The following KAT5 variants were observed in gnomAD, a reference collection of about 807,000 sequenced individuals.
KAT5 encodes lysine acetyltransferase 5, also known as histone acetyltransferase KAT5.
In KAT5, 31 loss-of-function variants were observed where a neutral mutation model predicts 68.1. The observed-to-expected ratio is 0.46, with a 90% confidence interval of 0.34 to 0.61. The LOEUF (loss-of-function observed/expected upper bound fraction) is 0.61, where lower values mean the gene tolerates loss of function less well. Among genes scored for constraint, KAT5 ranks in the 20% least tolerant of loss-of-function variants. The probability of loss-of-function intolerance (pLI) is 0.01; values close to 1 mark genes in which losing one functional copy is unlikely to be tolerated. For missense variants in KAT5, 451 were observed against 725.5 expected (o/e 0.62, Z 4.35); for synonymous variants, 365 against 292.6 (o/e 1.25, Z -2.52).
At chr11:65,719,004 C>G in intron 12 of KAT5, 43 bp from the exon 13 acceptor site, 1 of 1,613,994 alleles carries the variant, frequency 6.2e-7, no homozygotes, top group Non-Finnish European at 8.5e-7. Context: ...GAGTGCAGTC[C>G]TCTGTGGGCT....
In KAT5 at chr11:65,713,793, C is replaced by T. The variant is rs1453860824; in HGVS notation, c.635C>T (p.Ala212Val). 6.2e-7 allele frequency: 1 copy of T among 1,610,178 alleles called. No individual in the cohort carries two copies. Among genetic ancestry groups the T allele is most frequent in the Non-Finnish European group, 8.5e-7 (1 of 1,178,222 alleles). The part of the protein sequence containing the change: ...VFPQNGAARR[A>V]VAAQPGRKRK... ...CGGCAGAATGGAGCCGCCCGTAGGG[C>T]AGTGGCAGCCCAGCCAGGACGGAAG... The change falls in exon 6 of 13, where the codon GCA (alanine) becomes GTA (valine). Residue 212 changes from alanine to valine, a missense_variant. Ala to Val is a moderately conservative substitution (Grantham distance 64, BLOSUM62 0). This residue lies in a region of KAT5 where 135 missense variants were observed against 173.4 expected (regional missense o/e 0.78). Coordinates refer to ENST00000341318, the MANE Select transcript of KAT5 (RefSeq NM_182710.3).
chr11:65,717,111 A>C, intron 10 of KAT5, 129 bp downstream of exon 10: 1 of 722,102 alleles, frequency 1.4e-6, no homozygotes, highest in Non-Finnish European at 2.5e-6. Flanking sequence ...AGCCAGAAAT[A>C]ACAGTGGCAC....
intron 11 of KAT5, 58 bp from the exon 12 acceptor site, chr11:65,718,815 C>T: frequency 1.2e-6 from 2 of 1,613,598 alleles, no homozygotes. Context: ...CTTTCTCTCT[C>T]AGGGCTCCTG....
At position 65,714,695 on chromosome 11, in the gene KAT5, G is replaced by T. The variant is rs1165739688; in HGVS notation, c.891G>T (p.Glu297Asp). The change falls in exon 7 of 13, where the codon GAG (glutamate) becomes GAT (aspartate). Residue 297 changes from glutamate to aspartate, a missense_variant. By Grantham distance (45) the Glu-to-Asp change is conservative. Coordinates refer to ENST00000341318, the MANE Select transcript of KAT5 (RefSeq NM_182710.3). ...LTTLPVLYLC[E>D]FCLKYGRSLK... ...CATTGCCTGTCCTCTACCTGTGCGA[G>T]TTCTGCCTCAAGTACGGCCGTAGTC... 2 of 1,614,236 alleles carry T rather than the reference G, an allele frequency of 1.2e-6. No homozygotes were observed. The highest frequency in any genetic ancestry group is 1.3e-5 in the African/African-American group (1 of 75,054).
intron 8 of KAT5, 29 bp from the exon 9 acceptor site, chr11:65,716,638 A>G: frequency 1.2e-6 from 2 of 1,608,282 alleles, no homozygotes; most frequent in Non-Finnish European, 1.7e-6. Flanking sequence ...CGGGATACCC[A>G]GAGTGGTGAC....
Position 65,716,940 on chromosome 11 carries a change from C to G in KAT5, c.1222C>G (p.Pro408Ala), listed in dbSNP as rs1263476080. ...TGTGGCCTGCATCCTAACCCTGCCT[C>G]CCTACCAGCGCCGGGGCTACGGCAA... is the stretch of plus-strand genomic sequence containing the variant. The part of the protein sequence containing the change: ...YNVACILTLP[P>A]YQRRGYGKLL... Residue 408 changes from proline (P) to alanine (A), a missense_variant, in exon 10 of 13, where the codon CCC becomes GCC. By Grantham distance (27) the Pro-to-Ala change is conservative. Coordinates refer to ENST00000341318, the MANE Select transcript of KAT5 (RefSeq NM_182710.3). The G allele has an allele frequency of 6.2e-7, 1 of 1,614,216 alleles. No individual in the cohort carries two copies. Among genetic ancestry groups the G allele is most frequent in the Non-Finnish European group, 8.5e-7 (1 of 1,180,030 alleles).
At chr11:65,714,469 T>A (rs1205561530) in intron 6 of KAT5, 26 bp from the exon 7 acceptor site, 10 of 1,609,894 alleles carry the variant, frequency 6.2e-6, no homozygotes, top group Non-Finnish European at 8.5e-6. Context: ...TCTTACAACC[T>A]GGTATTTTCC....
At position 65,713,389 on chromosome 11, in the gene KAT5, G is replaced by A. The variant is rs999894580; in HGVS notation, c.426G>A (p.Pro142=). 2.5e-6 allele frequency: 4 copies of A among 1,613,890 alleles called. No homozygotes were observed. Among genetic ancestry groups the A allele is most frequent in the East Asian group, 2.2e-5 (1 of 44,862 alleles). Residue 142 remains proline (P), a synonymous_variant, in exon 4 of 13, where the codon CCG becomes CCA. Transcript: ENST00000341318. Reference sequence around the variant, plus strand: ...CCAGCGGGAAGACCTTGCCAATCCCGGTCCAGATCACACTCCGCTTCAACC... The same window carrying A: ...CCAGCGGGAAGACCTTGCCAATCCCAGTCCAGATCACACTCCGCTTCAACC... ...AQASGKTLPI[P]VQITLRFNLP... is the part of the protein sequence containing the mutation.
chr11:65,719,240 C>G lies in KAT5; in HGVS notation c.*59C>G. 6.3e-7 allele frequency: 1 copy of G among 1,580,136 alleles called. No homozygotes were observed. Among genetic ancestry groups the G allele is most frequent in the Non-Finnish European group, 8.6e-7 (1 of 1,160,148 alleles). On this transcript the variant is annotated 3_prime_UTR_variant, in exon 13 of 13. Transcript: ENST00000341318. ...GCAGGACTGGGGCTGATAGCCCACCCCGCCCCCACTGCAGCTCCCACAAAG... is the reference window on the plus strand; with the variant it reads ...GCAGGACTGGGGCTGATAGCCCACCGCGCCCCCACTGCAGCTCCCACAAAG...
intron 8 of KAT5, chr11:65,716,370 G>C (rs1302029069): frequency 7.8e-6 from 3 of 382,524 alleles, no homozygotes; most frequent in African/African-American, 4.0e-5. Context: ...AAAGGCAGTG[G>C]TCTCTCCTGG....
At chr11:65,717,614 C>G (rs1194759101) in intron 10 of KAT5, 2 of 156,760 alleles carry the variant, frequency 1.3e-5, no homozygotes, top group Middle Eastern at 3.2e-3. Context: ...ACCTGAGAAA[C>G]AAGGAGGAAG....
intron 3 of KAT5, 62 bp downstream of exon 3, chr11:65,713,120 TTA>T (rs1419732662): frequency 6.3e-7 from 1 of 1,599,298 alleles, no homozygotes; most frequent in Non-Finnish European, 8.5e-7. Flanking sequence ...TCTGTTGGCA[TTA>T]GGAGCTCCTG....
chr11:65,712,754 C>T lies in KAT5; in HGVS notation c.179-12C>T, dbSNP rs4645913. On this transcript the variant is annotated splice_polypyrimidine_tract_variant and intron_variant, in intron 1 of 12. Transcript: ENST00000341318. Reference sequence around the variant, plus strand: ...GGCCTGTCTAAGGCCCCTGTCTATGCTATTCTCATAGCCCTGGCCGAGATC... The same window carrying T: ...GGCCTGTCTAAGGCCCCTGTCTATGTTATTCTCATAGCCCTGGCCGAGATC... 126 of 1,613,788 alleles carry T rather than the reference C, an allele frequency of 7.8e-5. 1 individual carries two copies. The African/African-American group carries it at 9.4e-4, about 12-fold the overall frequency.
chr11:65,717,263 A>G (rs1258128305), intron 10 of KAT5: 2 of 538,702 alleles, frequency 3.7e-6, no homozygotes, highest in South Asian at 2.1e-5. Flanking sequence ...GCCTGGAGCC[A>G]TGGGCAGAAG....
In KAT5 at chr11:65,712,408, C is replaced by T. The variant is rs765520391; in HGVS notation, c.141C>T (p.Pro47=). Residue 47 remains proline, a synonymous_variant, in exon 1 of 13, where the codon CCC becomes CCT. Transcript: ENST00000341318. ...AGATAATCGAGGGCTGCCGCCTACC[C>T]GTGCTGCGGCGGAACCAGGACAACG... ...QGEIIEGCRL[P]VLRRNQDNED... 5 of 1,588,968 alleles carry T rather than the reference C, an allele frequency of 3.1e-6. No homozygotes were observed. Among genetic ancestry groups the T allele is most frequent in the Non-Finnish European group, 3.4e-6 (4 of 1,173,090 alleles).
chr11:65,716,636 C>T, intron 8 of KAT5, 31 bp from the exon 9 acceptor site: 1 of 1,607,950 alleles, frequency 6.2e-7, no homozygotes, highest in Non-Finnish European at 8.5e-7. Context: ...GGCGGGATAC[C>T]CAGAGTGGTG....
Position 65,716,455 on chromosome 11 carries a change from TCA to T in KAT5, c.1030-207_1030-206del, listed in dbSNP as rs2135636266. On this transcript the variant is annotated intron_variant, in intron 8 of 12. Coordinates refer to ENST00000341318, the MANE Select transcript of KAT5 (RefSeq NM_182710.3). ...TGAGCAGGGAGGCACTCAGACACCA[TCA>T]CACATCTGGCACACAGGCTTTTCAA... 6 of 582,120 alleles carry T rather than the reference TCA, an allele frequency of 1.0e-5. No individual in the cohort carries two copies. In the East Asian group the frequency reaches 1.7e-4, roughly 17 times the overall value. 36.1% of individuals were successfully genotyped at this position (582,120 alleles called of 1,614,324 possible).
intron 8 of KAT5, 72 bp downstream of exon 8, chr11:65,714,982 G>T (rs866501194): frequency 7.5e-7 from 1 of 1,331,724 alleles, no homozygotes; most frequent in South Asian, 1.2e-5. Context: ...GGTAAACACT[G>T]ACCAGTCAAG....
In KAT5 at chr11:65,712,474, G is replaced by C. The variant is rs528686377; in HGVS notation, c.178+29G>C. The C allele has an allele frequency of 6.5e-6, 10 of 1,543,052 alleles. No homozygotes were observed. In the South Asian group the frequency reaches 1.1e-4, roughly 16 times the overall value. On this transcript the variant is annotated intron_variant, in intron 1 of 12. Transcript: ENST00000341318. Reference sequence around the variant, plus strand: ...AGTGACGTTGGGGGGCGGGACTAAGGAACCTGAGGGCGAGGGGCGGGAGTC... The same window carrying C: ...AGTGACGTTGGGGGGCGGGACTAAGCAACCTGAGGGCGAGGGGCGGGAGTC...
Sources: gnomAD v4.1 joint callset for allele counts on GRCh38, gnomAD v4.1.1 for gene constraint, gnomAD v4.1.1 regional missense constraint, MANE v1.5 for transcripts, NCBI Gene and HGNC (gene_info 2026-07-23, HGNC 2026-07-21) for gene names.